SOHLH2: variants seen among roughly 807,000 people sequenced by gnomAD.
SOHLH2 encodes spermatogenesis- and oogenesis-specific basic helix-loop-helix-containing protein 2.
A neutral mutation model predicts 50.4 loss-of-function variants in SOHLH2; 22 were observed. The observed-to-expected ratio is 0.44, with a 90% CI of 0.31 to 0.62. SOHLH2 has a LOEUF of 0.62. Ranked by LOEUF, SOHLH2 falls within the 20% of genes least tolerant of loss-of-function variation. The pLI is 0.08. For missense variants in SOHLH2, 412 were observed against 504.4 expected (o/e 0.82, Z 1.76); for synonymous variants, 185 against 187.3 (o/e 0.99, Z 0.10).
At chr13:36,180,363 G>C (rs1440342835) in intron 6 of SOHLH2, among the ~76,000 whole-genome samples, 2 of 152,016 alleles carry the variant, frequency 1.3e-5, no homozygotes, top group Non-Finnish European at 2.9e-5. Context: ...TTATATTACT[G>C]ATTTTTAGGC....
chr13:36,204,137 G>C (rs1033607978), intron 1 of SOHLH2, among the ~76,000 whole-genome samples: 3 of 151,770 alleles, frequency 2.0e-5, no homozygotes, highest in Non-Finnish European at 4.4e-5. Context: ...TTTTAGTAGA[G>C]ATGAGGTTTC....
At chr13:36,195,315 C>T (rs896276469) in intron 2 of SOHLH2, among the ~76,000 whole-genome samples, 1 of 152,082 alleles carries the variant, frequency 6.6e-6, no homozygotes, top group Non-Finnish European at 1.5e-5. Context: ...CAGCACAGAA[C>T]ACTCTGGGCA....
At chr13:36,180,459 G>T (rs1177729700) in intron 6 of SOHLH2, among the ~76,000 whole-genome samples, 2 of 151,962 alleles carry the variant, frequency 1.3e-5, no homozygotes, top group South Asian at 2.1e-4. Flanking sequence ...TTGATATATT[G>T]CATTCTCTTT....
chr13:36,202,436 A>G (rs1420456981), intron 1 of SOHLH2, among the ~76,000 whole-genome samples: 1 of 152,234 alleles, frequency 6.6e-6, no homozygotes, highest in Non-Finnish European at 1.5e-5. Flanking sequence ...TCCTGCTGGA[A>G]AATCTGTTTA....
At chr13:36,171,288 C>G (rs1886956171) in intron 9 of SOHLH2, among the ~76,000 whole-genome samples, 1 of 152,102 alleles carries the variant, frequency 6.6e-6, no homozygotes, top group Non-Finnish European at 1.5e-5. Context: ...GGTATGTCTA[C>G]TTTAAATACA....
intron 2 of SOHLH2, among the ~76,000 whole-genome samples, chr13:36,196,127 A>T (rs867731739): frequency 3.9e-5 from 4 of 101,982 alleles, no homozygotes; most frequent in Admixed American, 2.7e-4. Flanking sequence ...TAGATAGATA[A>T]TTTTTTTTTT....
chr13:36,192,588 T>C (rs1887607468), intron 4 of SOHLH2, among the ~76,000 whole-genome samples: 1 of 152,132 alleles, frequency 6.6e-6, no homozygotes, highest in African/African-American at 2.4e-5. Flanking sequence ...ATCCAGAAAA[T>C]GTCTTTCAGG....
rs140357955 is a variant in SOHLH2, at chr13:36,192,994, A to C, written c.430+627T>G. Among the ~76,000 whole-genome samples, 46 of 152,334 alleles carry C rather than the reference A, an allele frequency of 3.0e-4. 1 individual carries two copies. The highest frequency in any genetic ancestry group is 3.9e-4 in the Admixed American group (6 of 15,300). On this transcript the variant is annotated intron_variant, in intron 4 of 10. Coordinates refer to ENST00000379881, the MANE Select transcript of SOHLH2 (RefSeq NM_017826.3). Reference sequence around the variant, plus strand: ...TATCCCAGGCCGAGAAAGACCAAAAATAGTCACTGACCAATAATGATTCCA... The same window carrying C: ...TATCCCAGGCCGAGAAAGACCAAAACTAGTCACTGACCAATAATGATTCCA...
intron 2 of SOHLH2, among the ~76,000 whole-genome samples, chr13:36,200,405 C>A (rs1887863221): frequency 6.6e-6 from 1 of 152,034 alleles, no homozygotes. Context: ...TCTAAGAAAC[C>A]CCAAGAGTAG....
At chr13:36,194,228 T>C (rs1887657836) in intron 2 of SOHLH2, among the ~76,000 whole-genome samples, 1 of 151,838 alleles carries the variant, frequency 6.6e-6, no homozygotes, top group African/African-American at 2.4e-5. Flanking sequence ...TTTAAATATA[T>C]ATATAATTAA....
At chr13:36,169,985 CT>C (rs887066053) in intron 10 of SOHLH2, among the ~76,000 whole-genome samples, 5 of 152,184 alleles carry the variant, frequency 3.3e-5, no homozygotes, top group African/African-American at 1.2e-4. Context: ...GGGATCGTGT[CT>C]ACCTTTGTAT....
In SOHLH2 at chr13:36,199,601, C is replaced by T. The variant is rs781093960; in HGVS notation, c.263+2278G>A. Among the ~76,000 whole-genome samples the T allele has an allele frequency of 2.6e-5, 4 of 152,162 alleles. No individual in the cohort carries two copies. In the South Asian group the frequency reaches 6.2e-4, roughly 24 times the overall value. On this transcript the variant is annotated intron_variant, in intron 2 of 10. Transcript: ENST00000379881. ...TTTTAAGGCAAAATAACAGAACTAC[C>T]GTTTGCATAGCTATACACTTGGTAC...
chr13:36,202,872 A>C (rs960575290), intron 1 of SOHLH2, among the ~76,000 whole-genome samples: 1 of 152,218 alleles, frequency 6.6e-6, no homozygotes, highest in African/African-American at 2.4e-5. Flanking sequence ...GGCTGGAAAT[A>C]CTTGTACAAA....
chr13:36,192,668 A>G (rs1328708142), intron 4 of SOHLH2, among the ~76,000 whole-genome samples: 2 of 152,222 alleles, frequency 1.3e-5, no homozygotes. Context: ...TCGAAATTGT[A>G]CATATTTAAG....
chr13:36,184,499 G>A (rs1269367784), intron 6 of SOHLH2, among the ~76,000 whole-genome samples: 1 of 78,132 alleles, frequency 1.3e-5, no homozygotes, highest in African/African-American at 5.6e-5. Context: ...TCTTGCTCTT[G>A]CCCAGGCTGG....
chr13:36,203,014 C>T (rs1868518988), intron 1 of SOHLH2, among the ~76,000 whole-genome samples: 1 of 152,188 alleles, frequency 6.6e-6, no homozygotes, highest in Non-Finnish European at 1.5e-5. Context: ...GTGCAAGAAA[C>T]TAGGCAATAG....
At chr13:36,200,833 G>T (rs1400705047) in intron 2 of SOHLH2, among the ~76,000 whole-genome samples, 1 of 151,822 alleles carries the variant, frequency 6.6e-6, no homozygotes, top group Non-Finnish European at 1.5e-5. Context: ...GGTGGATCAC[G>T]AGGTCAGGAG....
chr13:36,171,401 G>A (rs1426570595), intron 9 of SOHLH2, among the ~76,000 whole-genome samples: 1 of 152,224 alleles, frequency 6.6e-6, no homozygotes, highest in Non-Finnish European at 1.5e-5. Context: ...AAACATGTCT[G>A]TGTTACAGAT....
chr13:36,187,528 G>C (rs1887454411), intron 6 of SOHLH2, among the ~76,000 whole-genome samples: 1 of 152,098 alleles, frequency 6.6e-6, no homozygotes, highest in African/African-American at 2.4e-5. Flanking sequence ...ACCTAGCAAG[G>C]CAGCAGTCAT....
Sources: gnomAD v4.1 joint callset for allele counts (sites outside exome capture counted in the v4.1 genomes callset) on GRCh38, gnomAD v4.1.1 for gene constraint, MANE v1.5 for transcripts, NCBI Gene and HGNC (gene_info 2026-07-23, HGNC 2026-07-21) for gene names.